Variants in ZPR1 observed in about 807,000 individuals in gnomAD.
The protein encoded by ZPR1 is zinc finger protein ZPR1.
Under a neutral mutation model 59.6 loss-of-function variants are expected in ZPR1, and 37 were observed. The observed-to-expected ratio is 0.62, with a 90% CI of 0.48 to 0.82. The LOEUF is 0.82. ZPR1 is among the 40% of genes least tolerant of loss of function. The probability of loss-of-function intolerance (pLI) is 0.00; values close to 1 mark genes in which losing one functional copy is unlikely to be tolerated. For synonymous variants in ZPR1, 191 were observed against 215.2 expected, an observed-to-expected ratio of 0.89 and a Z score of 0.99; for missense variants, 527 against 579.9, an observed-to-expected ratio of 0.91 and a Z score of 0.94.
chr11:116,787,617 C>T lies in ZPR1; in HGVS notation c.198G>A (p.Lys66=). The T allele has an allele frequency of 6.2e-7, 1 of 1,612,788 alleles. No homozygotes were observed. Among genetic ancestry groups the T allele is most frequent in the Non-Finnish European group, 8.5e-7 (1 of 1,178,814 alleles). Residue 66 remains lysine, a synonymous_variant, in exon 2 of 14, where the codon AAG becomes AAA. Transcript: ENST00000227322. ...CNGMTRLLLT[K]IPFFREIIVS... is the part of the protein sequence containing the mutation. ...CTATTATTTCTCTGAAGAAGGGAAT[C>T]TTGGTGAGCAGGAGGCGCGTCATGC... is the stretch of plus-strand genomic sequence containing the variant.
rs960662058 is a variant in ZPR1 at position 116,787,595 on chromosome 11, T to C, written c.220A>G (p.Ile74Val). ...TGCTCGCAGGAAAAGGAGCTCACTA[T>C]TATTTCTCTGAAGAAGGGAATCTTG... ...LTKIPFFREIIVSSFSCEHCG... is the reference protein window; with the variant it reads ...LTKIPFFREIVVSSFSCEHCG... Residue 74 changes from isoleucine (I) to valine (V), a missense_variant, in exon 2 of 14, where the codon ATA (isoleucine) becomes GTA (valine). Physicochemically the swap from Ile to Val is conservative, Grantham distance 29. Transcript: ENST00000227322. 3 of 1,614,044 alleles carry C rather than the reference T, an allele frequency of 1.9e-6. No homozygotes were observed. The highest frequency in any genetic ancestry group is 2.5e-6 in the Non-Finnish European group (3 of 1,179,988).
intron 13 of ZPR1, 149 bp from the exon 14 acceptor site, chr11:116,779,208 G>A: frequency 1.8e-6 from 2 of 1,118,162 alleles, no homozygotes; most frequent in South Asian, 3.2e-5. Flanking sequence ...GACTGAACTA[G>A]TGGGTAGCAA....
At chr11:116,785,751 C>T in intron 5 of ZPR1, 45 bp downstream of exon 5, 1 of 1,611,594 alleles carries the variant, frequency 6.2e-7, no homozygotes, top group Non-Finnish European at 8.5e-7. Context: ...TCTTAATGGT[C>T]CCTCCTCCCC....
Position 116,778,849 on chromosome 11 carries a change from C to T in ZPR1, c.*76G>A. On this transcript the variant is annotated 3_prime_UTR_variant, in exon 14 of 14. Transcript: ENST00000227322. ...GGCTGGTGGGAAAGACACTCCCAGC[C>T]TTCGCCTTCATCCAATACTAATAAA... is the stretch of plus-strand genomic sequence containing the variant. 1.3e-6 allele frequency: 2 copies of T among 1,547,540 alleles called. No individual in the cohort carries two copies. The highest frequency in any genetic ancestry group is 1.2e-5 in the South Asian group (1 of 82,398).
intron 9 of ZPR1, 28 bp downstream of exon 9, chr11:116,784,347 GTCT>G: frequency 6.2e-7 from 1 of 1,610,218 alleles, no homozygotes; most frequent in Non-Finnish European, 8.5e-7. Flanking sequence ...CCTTAAGCTA[GTCT>G]TCTTCCCAAA....
At chr11:116,786,907 A>G (rs1940895765) in intron 3 of ZPR1, 62 bp downstream of exon 3, 2 of 1,402,186 alleles carry the variant, frequency 1.4e-6, no homozygotes, top group African/African-American at 1.4e-5. Flanking sequence ...GGGGTTTTGC[A>G]AGAAAGAGGG....
chr11:116,774,419 T>C lies in ZPR1; in HGVS notation c.*4506A>G, dbSNP rs1337709731. ...GAATTTGCAGGATGCTATACACAAC[T>C]ACACAAAAGTGCAAACAATAGTTTC... On this transcript the variant is annotated 3_prime_UTR_variant, in exon 14 of 14. Coordinates refer to ENST00000227322, the MANE Select transcript of ZPR1 (RefSeq NM_003904.5). The C allele has an allele frequency of 6.6e-6, 1 of 152,084 alleles. No individual in the cohort carries two copies. Among genetic ancestry groups the C allele is most frequent in the Non-Finnish European group, 1.5e-5 (1 of 68,024 alleles). The allele number at this position is 152,084 out of a possible 1,614,324, so 9.4% of individuals were successfully genotyped here. A position where few individuals can be genotyped will look rare whatever the true frequency, so the allele number is the denominator to read the frequency against.
intron 13 of ZPR1, 30 bp downstream of exon 13, chr11:116,779,742 C>A (rs767740437): frequency 6.6e-7 from 1 of 1,522,756 alleles, no homozygotes; most frequent in South Asian, 1.2e-5. Flanking sequence ...AAATGTATCT[C>A]TATGAAACAT....
In ZPR1 at chr11:116,787,980, C is replaced by T; in HGVS notation, c.11G>A (p.Ser4Asn). 7.0e-7 allele frequency: 1 copy of T among 1,430,820 alleles called. No homozygotes were observed. Among genetic ancestry groups the T allele is most frequent in the African/African-American group, 1.5e-5 (1 of 66,744 alleles). The allele number at this position is 1,430,820 out of a possible 1,614,324, so 88.6% of individuals were successfully genotyped here. A position where few individuals can be genotyped will look rare whatever the true frequency, so the allele number is the denominator to read the frequency against. Residue 4 changes from serine (S) to asparagine (N), a missense_variant, in exon 1 of 14, where the codon AGC becomes AAC. Coordinates refer to ENST00000227322, the MANE Select transcript of ZPR1 (RefSeq NM_003904.5). Reference protein sequence around the residue: MAASGAVEPGPPGA... With the variant: MAANGAVEPGPPGA... ...CGGGGGCCCTGGTTCCACAGCCCCG[C>T]TGGCCGCCATGGCCACCACGCGCAA... is the stretch of plus-strand genomic sequence containing the variant.
chr11:116,786,431 CA>C, intron 4 of ZPR1, 79 bp downstream of exon 4: 1 of 1,524,772 alleles, frequency 6.6e-7, no homozygotes. Flanking sequence ...AACACTTAGT[CA>C]GAGACTCTTC....
At position 116,775,398 on chromosome 11, in the gene ZPR1, C is replaced by G. The variant is rs1282494061; in HGVS notation, c.*3527G>C. 1 of 146,350 alleles carries G rather than the reference C, an allele frequency of 6.8e-6. No homozygotes were observed. The highest frequency in any genetic ancestry group is 1.5e-5 in the Non-Finnish European group (1 of 67,572). The allele number at this position is 146,350 out of a possible 1,614,324, so 9.1% of individuals were successfully genotyped here. A position where few individuals can be genotyped will look rare whatever the true frequency, so the allele number is the denominator to read the frequency against. The stretch of plus-strand genomic sequence containing the variant: ...TGCTTGAACCCAGGAGGCAAGGCTG[C>G]AGTGAGCCAAGATCGCACCACTGCA... On this transcript the variant is annotated 3_prime_UTR_variant, in exon 14 of 14. Transcript: ENST00000227322.
chr11:116,787,023 C>G lies in ZPR1; in HGVS notation c.370G>C (p.Ala124Pro). Residue 124 changes from alanine to proline, a missense_variant, in exon 3 of 14, where the codon GCC becomes CCC. By Grantham distance (27) the Ala-to-Pro change is conservative (BLOSUM62 -1). Transcript: ENST00000227322. Reference protein sequence around the residue: ...NREVVKTDSAATRIPELDFEI... With the variant: ...NREVVKTDSAPTRIPELDFEI... ...AAATCTAGCTCAGGAATCCTTGTGG[C>G]AGCAGAGTCAGTCTTCACCACTTCT... The G allele has an allele frequency of 5.0e-6, 8 of 1,614,198 alleles. No homozygotes were observed. Among genetic ancestry groups the G allele is most frequent in the Non-Finnish European group, 6.8e-6 (8 of 1,180,028 alleles).
At chr11:116,786,197 G>C (rs1940884905) in intron 4 of ZPR1, among the ~76,000 whole-genome samples, 1 of 152,252 alleles carries the variant, frequency 6.6e-6, no homozygotes, top group South Asian at 2.1e-4. Flanking sequence ...TAAAGATGCA[G>C]CTATAATATA....
chr11:116,786,517 T>C lies in ZPR1; in HGVS notation c.489A>G (p.Ala163=), dbSNP rs776727127. 3.1e-6 allele frequency: 5 copies of C among 1,614,104 alleles called. No individual in the cohort carries two copies. The African/African-American group carries it at 5.3e-5, about 17-fold the overall frequency. ...TCAGAAAACCCCAGCTTACCCTTCG[T>C]GCAGGCTGGTCCTGCTCCAGGCCAG... is the stretch of plus-strand genomic sequence containing the variant. ...AISGLEQDQP[A]RRANKDATAE... The change falls in exon 4 of 14, where the codon GCA becomes GCG. Residue 163 remains alanine, a synonymous_variant. Transcript: ENST00000227322.
At chr11:116,782,606 G>T (rs1940824808) in intron 11 of ZPR1, among the ~76,000 whole-genome samples, 1 of 152,160 alleles carries the variant, frequency 6.6e-6, no homozygotes, top group South Asian at 2.1e-4. Flanking sequence ...ACCCATACAT[G>T]TATGTTTTTT....
intron 13 of ZPR1, 41 bp from the exon 14 acceptor site, chr11:116,779,100 T>G: frequency 6.2e-7 from 1 of 1,605,290 alleles, no homozygotes; most frequent in Non-Finnish European, 8.5e-7. Flanking sequence ...GCTGTGCCAC[T>G]CCCCCTCTCT....
intron 10 of ZPR1, among the ~76,000 whole-genome samples, chr11:116,783,278 C>A (rs941665166): frequency 6.6e-6 from 1 of 152,156 alleles, no homozygotes; most frequent in Non-Finnish European, 1.5e-5. Context: ...AGGGGACAGA[C>A]AGAGAAGAGG....
At chr11:116,783,124 C>A in intron 10 of ZPR1, 95 bp from the exon 11 acceptor site, 1 of 876,338 alleles carries the variant, frequency 1.1e-6, no homozygotes. Flanking sequence ...TGATAGACTG[C>A]GGACAAGGGC....
chr11:116,778,700 G>A lies in ZPR1; in HGVS notation c.*225C>T. 1.8e-6 allele frequency: 1 copy of A among 551,686 alleles called. No homozygotes were observed. The highest frequency in any genetic ancestry group is 3.6e-5 in the Admixed American group (1 of 27,614). 34.2% of individuals were successfully genotyped at this position (551,686 alleles called of 1,614,324 possible). A position where few individuals can be genotyped will look rare whatever the true frequency, so the allele number is the denominator to read the frequency against. On this transcript the variant is annotated 3_prime_UTR_variant, in exon 14 of 14. Coordinates refer to ENST00000227322, the MANE Select transcript of ZPR1 (RefSeq NM_003904.5). Reference sequence around the variant, plus strand: ...GGTTCATTTCTGGGTTTCCTCCTAGGCCAATTCAAAACTTCCAAAATAAGG... The same window carrying A: ...GGTTCATTTCTGGGTTTCCTCCTAGACCAATTCAAAACTTCCAAAATAAGG...
Sources: gnomAD v4.1 joint callset for allele counts (sites outside exome capture counted in the v4.1 genomes callset) on GRCh38, gnomAD v4.1.1 for gene constraint, MANE v1.5 for transcripts, NCBI Gene and HGNC (gene_info 2026-07-23, HGNC 2026-07-21) for gene names.